SLC16A8: variants seen among roughly 807,000 people sequenced by gnomAD.
SLC16A8 encodes the protein monocarboxylate transporter 3.
In SLC16A8, 20 loss-of-function variants were observed where a neutral mutation model predicts 22.4. The ratio of observed to expected loss-of-function variants is 0.89; its 90% CI spans 0.63 to 1.30. The LOEUF (loss-of-function observed/expected upper bound fraction) is 1.30, where lower values mean the gene tolerates loss of function less well. Among genes scored for constraint, SLC16A8 ranks in the 50% most tolerant of loss-of-function variants. The pLI, the probability that SLC16A8 is intolerant of heterozygous loss-of-function variation, is 0.00. For synonymous variants in SLC16A8, 393 were observed against 358.8 expected, an observed-to-expected ratio of 1.10 and a Z score of -1.08; for missense variants, 817 against 740.3, an observed-to-expected ratio of 1.10 and a Z score of -1.20.
intron 3 of SLC16A8, 25 bp downstream of exon 3, chr22:38,082,635 C>A (rs774069084): frequency 2.0e-6 from 3 of 1,525,118 alleles, no homozygotes; most frequent in Non-Finnish European, 2.6e-6. Flanking sequence ...CCCGGGGAGG[C>A]GGAGGGCCGG....
rs1037074650 is a variant in SLC16A8, at chr22:38,081,507, G to A, written c.531C>T (p.Phe177=). Reference sequence around the variant, plus strand: ...GCAGCAGGAGCCCGCCGAGCAGCAGGAAGCCGCCGCGCCAGCCGAAGCGCT... The same window carrying A: ...GCAGCAGGAGCCCGCCGAGCAGCAGAAAGCCGCCGCGCCAGCCGAAGCGCT... ...LLERFGWRGG[F]LLLGGLLLHC... Residue 177 remains phenylalanine, a synonymous_variant, in exon 5 of 6, where the codon TTC becomes TTT. Coordinates refer to ENST00000681075, the MANE Select transcript of SLC16A8 (RefSeq NM_013356.3). The A allele has an allele frequency of 2.4e-5, 34 of 1,414,634 alleles. No individual in the cohort carries two copies. Among genetic ancestry groups the A allele is most frequent in the Non-Finnish European group, 3.1e-5 (34 of 1,097,790 alleles). The allele number at this position is 1,414,634 out of a possible 1,614,324, so 87.6% of individuals were successfully genotyped here. A position where few individuals can be genotyped will look rare whatever the true frequency, so the allele number is the denominator to read the frequency against.
intron 2 of SLC16A8, 40 bp from the exon 3 acceptor site, chr22:38,082,921 C>T (rs768529575): frequency 5.7e-6 from 7 of 1,219,170 alleles, no homozygotes; most frequent in Non-Finnish European, 5.7e-6. Context: ...GGGGCTGGGC[C>T]AGCAGCCTAG....
At chr22:38,078,765 C>T (rs1284763307) in intron 5 of SLC16A8, 61 bp from the exon 6 acceptor site, 7 of 1,478,254 alleles carry the variant, frequency 4.7e-6, no homozygotes, top group East Asian at 2.3e-5. Flanking sequence ...CCCTCACTCT[C>T]CTGCACTCTC....
At position 38,081,026 on chromosome 22, in the gene SLC16A8, CGCT is replaced by C; in HGVS notation, c.1009_1011del (p.Ser337del). 6.3e-7 allele frequency: 1 copy of C among 1,596,020 alleles called. No individual in the cohort carries two copies. The highest frequency in any genetic ancestry group is 8.5e-7 in the Non-Finnish European group (1 of 1,177,034). ...AGGGCGCCGTAGGAGCGCGCGCGTGCGCTGCTCAGGTCTGTGAGCCCATTGGCC... is the reference window on the plus strand; with the variant it reads ...AGGGCGCCGTAGGAGCGCGCGCGTGCGCTCAGGTCTGTGAGCCCATTGGCC... On this transcript the variant is annotated inframe_deletion, in exon 5 of 6. Coordinates refer to ENST00000681075, the MANE Select transcript of SLC16A8 (RefSeq NM_013356.3).
chr22:38,081,958 C>T lies in SLC16A8; in HGVS notation c.289G>A (p.Ala97Thr), dbSNP rs750203013. Residue 97 changes from alanine (A) to threonine (T), a missense_variant, in exon 4 of 6, where the codon GCG (alanine) becomes ACG (threonine). Ala to Thr is a moderately conservative substitution (Grantham distance 58, BLOSUM62 0). Coordinates refer to ENST00000681075, the MANE Select transcript of SLC16A8 (RefSeq NM_013356.3). ...GCAAAGGAAGCTAGGATCATGCCCGCGGAAGCCAGCAGCCCACCCGCCAGC... is the reference window on the plus strand; with the variant it reads ...GCAAAGGAAGCTAGGATCATGCCCGTGGAAGCCAGCAGCCCACCCGCCAGC... ...VMLAGGLLAS[A>T]GMILASFATR... The T allele has an allele frequency of 1.9e-6, 3 of 1,563,178 alleles. No individual in the cohort carries two copies. The highest frequency in any genetic ancestry group is 1.4e-5 in the African/African-American group (1 of 73,608).
Position 38,078,486 on chromosome 22 carries a change from G to C in SLC16A8, c.1417C>G (p.Pro473Ala). The C allele has an allele frequency of 1.2e-6, 2 of 1,614,130 alleles. 1 individual carries two copies. Residue 473 changes from proline (P) to alanine (A), a missense_variant, in exon 6 of 6, where the codon CCC becomes GCC. Coordinates refer to ENST00000681075, the MANE Select transcript of SLC16A8 (RefSeq NM_013356.3). ...ACCTCCAGGGCCTCCAGGTTGCCGGGTTCCTCTGCAACAACAGGCAGGGGC... is the reference window on the plus strand; with the variant it reads ...ACCTCCAGGGCCTCCAGGTTGCCGGCTTCCTCTGCAACAACAGGCAGGGGC... The part of the protein sequence containing the change: ...SEPLPVVAEE[P>A]GNLEALEVLS...
At position 38,083,235 on chromosome 22, in the gene SLC16A8, C is replaced by G. The variant is rs2085948016; in HGVS notation, c.-202G>C. The G allele has an allele frequency of 3.5e-6, 1 of 286,422 alleles. No individual in the cohort carries two copies. Among genetic ancestry groups the G allele is most frequent in the Admixed American group, 4.7e-5 (1 of 21,312 alleles). The allele number at this position is 286,422 out of a possible 1,614,324, so 17.7% of individuals were successfully genotyped here. A position where few individuals can be genotyped will look rare whatever the true frequency, so the allele number is the denominator to read the frequency against. On this transcript the variant is annotated 5_prime_UTR_variant, in exon 2 of 6. Coordinates refer to ENST00000681075, the MANE Select transcript of SLC16A8 (RefSeq NM_013356.3). ...TCCAGCACCAAAGTCGCCCCGTACG[C>G]GTGAGGGTCTCGGGACAACAGAACA...
chr22:38,082,559 G>T, intron 3 of SLC16A8, 101 bp downstream of exon 3: 1 of 1,012,060 alleles, frequency 9.9e-7, no homozygotes, highest in Non-Finnish European at 1.4e-6. Flanking sequence ...GGACTTCGGG[G>T]GCCACCCCGA....
Position 38,081,899 on chromosome 22 carries a change from C to T in SLC16A8, c.348G>A (p.Gly116=), listed in dbSNP as rs770053108. The T allele has an allele frequency of 1.1e-5, 18 of 1,593,090 alleles. No individual in the cohort carries two copies. The East Asian group carries it at 4.1e-4, about 36-fold the overall frequency. The change falls in exon 4 of 6, where the codon GGG becomes GGA. Residue 116 remains glycine, a synonymous_variant. Transcript: ENST00000681075. ...TRLLELYLTA[G]VLTGLGLALN... ...CCAGGGGGCCCTCACCTGTGAGCACCCCAGCGGTCAGGTAGAGCTCCAGGA... is the reference window on the plus strand; with the variant it reads ...CCAGGGGGCCCTCACCTGTGAGCACTCCAGCGGTCAGGTAGAGCTCCAGGA...
chr22:38,079,299 T>G (rs538575002), intron 5 of SLC16A8, among the ~76,000 whole-genome samples: 1 of 152,328 alleles, frequency 6.6e-6, no homozygotes, highest in East Asian at 1.9e-4. Flanking sequence ...ATGTTTTTTT[T>G]AGGGATGGGG....
Position 38,080,820 on chromosome 22 carries a change from C to A in SLC16A8, c.1198+20G>T, listed in dbSNP as rs61061857. 3.4e-6 allele frequency: 5 copies of A among 1,471,220 alleles called. No homozygotes were observed. The highest frequency in any genetic ancestry group is 3.6e-6 in the Non-Finnish European group (4 of 1,117,958). The allele number at this position is 1,471,220 out of a possible 1,614,324, so 91.1% of individuals were successfully genotyped here. ...CTAAGGGGCACTAGGCTCGCCACCC[C>A]CTCTTCCTTCGGGGCGCACCGGCAG... On this transcript the variant is annotated intron_variant, in intron 5 of 5. Coordinates refer to ENST00000681075, the MANE Select transcript of SLC16A8 (RefSeq NM_013356.3).
rs770656933 is a variant in SLC16A8, at chr22:38,081,912, T to C, written c.335A>G (p.Tyr112Cys). The C allele has an allele frequency of 8.8e-6, 14 of 1,589,286 alleles. No homozygotes were observed. The highest frequency in any genetic ancestry group is 2.3e-5 in the East Asian group (1 of 43,732). ...ASFATRLLEL[Y>C]LTAGVLTGLG... Reference sequence around the variant, plus strand: ...ACCTGTGAGCACCCCAGCGGTCAGGTAGAGCTCCAGGAGGCGCGTGGCAAA... The same window carrying C: ...ACCTGTGAGCACCCCAGCGGTCAGGCAGAGCTCCAGGAGGCGCGTGGCAAA... The change falls in exon 4 of 6, where the codon TAC becomes TGC. Residue 112 changes from tyrosine (Y) to cysteine (C), a missense_variant. By Grantham distance (194) the Tyr-to-Cys change is radical. Transcript: ENST00000681075.
At position 38,078,421 on chromosome 22, in the gene SLC16A8, C is replaced by T; in HGVS notation, c.1482G>A (p.Glu494=). The change falls in exon 6 of 6, where the codon GAG becomes GAA. Residue 494 remains glutamate (E), a synonymous_variant. Transcript: ENST00000681075. ...ARGEPTEPEI[E]ARPRLAAESV is the part of the protein sequence containing the mutation. ...ACTCGGCAGCCAGCCTCGGCCTCGC[C>T]TCTATTTCTGGTTCTGTGGGCTCGC... 2 of 1,608,634 alleles carry T rather than the reference C, an allele frequency of 1.2e-6. No homozygotes were observed. The highest frequency in any genetic ancestry group is 1.1e-5 in the South Asian group (1 of 91,056).
rs747034934 is a variant in SLC16A8 at position 38,078,441 on chromosome 22, G to A, written c.1462C>T (p.Pro488Ser). 8.1e-6 allele frequency: 13 copies of A among 1,611,540 alleles called. No homozygotes were observed. Among genetic ancestry groups the A allele is most frequent in the Non-Finnish European group, 1.1e-5 (13 of 1,179,806 alleles). The change falls in exon 6 of 6, where the codon CCC becomes TCC. Residue 488 changes from proline to serine, a missense_variant. Physicochemically the swap from Pro to Ser is moderately conservative, Grantham distance 74 (BLOSUM62 -1). Transcript: ENST00000681075. ...CTCGCCTCTATTTCTGGTTCTGTGGGCTCGCCCCGGGCGCTGAGCACCTCC... is the reference window on the plus strand; with the variant it reads ...CTCGCCTCTATTTCTGGTTCTGTGGACTCGCCCCGGGCGCTGAGCACCTCC... ...ALEVLSARGEPTEPEIEARPR... is the reference protein window; with the variant it reads ...ALEVLSARGESTEPEIEARPR...
chr22:38,082,574 CA>C (rs2085934828), intron 3 of SLC16A8, 85 bp downstream of exon 3: 1 of 1,186,016 alleles, frequency 8.4e-7, no homozygotes, highest in African/African-American at 1.5e-5. Flanking sequence ...CCCCGAGGGT[CA>C]GGGGGATGCT....
At chr22:38,083,513 G>A (rs972047006) in intron 1 of SLC16A8, among the ~76,000 whole-genome samples, 152 bp from the exon 2 acceptor site, 2 of 152,182 alleles carry the variant, frequency 1.3e-5, no homozygotes, top group African/African-American at 4.8e-5. Flanking sequence ...TTCCTCCGAT[G>A]TAAGATGGGT....
rs2085916328 is a variant in SLC16A8, at chr22:38,081,444, G to C, written c.594C>G (p.Pro198=). 1 of 1,286,200 alleles carries C rather than the reference G, an allele frequency of 7.8e-7. No homozygotes were observed. The highest frequency in any genetic ancestry group is 9.8e-7 in the Non-Finnish European group (1 of 1,024,170). 79.7% of individuals were successfully genotyped at this position (1,286,200 alleles called of 1,614,324 possible). The part of the protein sequence containing the change: ...CACGAVMRPP[P]GPGPRPRRDS... ...CCCTGCGCGGTCGCGGGCCCGGCCC[G>C]GGCGGCGGCCTCATGACAGCCCCGC... The change falls in exon 5 of 6, where the codon CCC becomes CCG. Residue 198 remains proline, a synonymous_variant. Coordinates refer to ENST00000681075, the MANE Select transcript of SLC16A8 (RefSeq NM_013356.3).
rs1004706407 is a variant in SLC16A8 at position 38,078,794 on chromosome 22, C to T, written c.1199-90G>A. 9.1e-6 allele frequency: 11 copies of T among 1,209,404 alleles called. No individual in the cohort carries two copies. The African/African-American group carries it at 1.2e-4, about 13-fold the overall frequency. 74.9% of individuals were successfully genotyped at this position (1,209,404 alleles called of 1,614,324 possible). ...CACTCTCAGGTCAAGGGTGGTGCCA[C>T]TGACTTGGTGAGGCTCCTGGGTGAC... is the stretch of plus-strand genomic sequence containing the variant. On this transcript the variant is annotated intron_variant, in intron 5 of 5. Coordinates refer to ENST00000681075, the MANE Select transcript of SLC16A8 (RefSeq NM_013356.3).
chr22:38,078,829 C>T, intron 5 of SLC16A8, 125 bp from the exon 6 acceptor site: 1 of 730,794 alleles, frequency 1.4e-6, no homozygotes, highest in Non-Finnish European at 2.2e-6. Flanking sequence ...CACACACATG[C>T]CCACTCTTTA....
Sources: gnomAD v4.1 joint callset for allele counts (sites outside exome capture counted in the v4.1 genomes callset) on GRCh38, gnomAD v4.1.1 for gene constraint, MANE v1.5 for transcripts, NCBI Gene and HGNC (gene_info 2026-07-23, HGNC 2026-07-21) for gene names.